The following PARD3B variants were observed in gnomAD, a reference collection of about 807,000 sequenced individuals.
PARD3B encodes partitioning defective 3 homolog B.
In PARD3B, 103 loss-of-function variants were observed where a neutral mutation model predicts 130.2. The ratio of observed to expected loss-of-function variants is 0.79; its 90% CI spans 0.67 to 0.93. The LOEUF (loss-of-function observed/expected upper bound fraction) is 0.93. PARD3B is among the 40% of genes least tolerant of loss of function. The pLI, the probability that PARD3B is intolerant of heterozygous loss-of-function variation, is 0.00. For synonymous variants in PARD3B, 583 were observed against 553.2 expected, an observed-to-expected ratio of 1.05 and a Z score of -0.76; for missense variants, 1,609 against 1,499.2, an observed-to-expected ratio of 1.07 and a Z score of -1.21.
chr2:204,777,477 A>C (rs1450118687), intron 2 of PARD3B, among the ~76,000 whole-genome samples: 2 of 152,176 alleles, frequency 1.3e-5, no homozygotes, highest in Non-Finnish European at 2.9e-5. Context: ...CTACTCTTAG[A>C]TCATCATCCT....
intron 3 of PARD3B, among the ~76,000 whole-genome samples, chr2:205,001,818 G>A (rs540823707): frequency 9.2e-5 from 14 of 152,258 alleles, no homozygotes; most frequent in East Asian, 7.7e-4. Flanking sequence ...GCTGATGTGC[G>A]CCTTATGACA....
chr2:205,045,928 G>T (rs964408028), intron 3 of PARD3B, among the ~76,000 whole-genome samples: 2 of 152,090 alleles, frequency 1.3e-5, no homozygotes, highest in Non-Finnish European at 2.9e-5. Context: ...AAATGCCTTG[G>T]TGAACCATGT....
chr2:205,063,096 G>T (rs1287063209), intron 4 of PARD3B, among the ~76,000 whole-genome samples: 1 of 151,950 alleles, frequency 6.6e-6, no homozygotes, highest in Non-Finnish European at 1.5e-5. Flanking sequence ...AATTATCTCT[G>T]TATATTTGGG....
chr2:205,370,134 C>T (rs2044754919), intron 18 of PARD3B, among the ~76,000 whole-genome samples: 1 of 152,176 alleles, frequency 6.6e-6, no homozygotes, highest in East Asian at 1.9e-4. Flanking sequence ...GTCACTTAGT[C>T]ATTTTCCACT....
At chr2:205,095,291 G>T (rs1702331013) in intron 4 of PARD3B, among the ~76,000 whole-genome samples, 1 of 152,074 alleles carries the variant, frequency 6.6e-6, no homozygotes, top group South Asian at 2.1e-4. Flanking sequence ...TAGAAATTAT[G>T]ATTATAAACA....
At position 205,550,833 on chromosome 2, in the gene PARD3B, GTA is replaced by G. The variant is rs1478341079; in HGVS notation, c.3181-2487_3181-2486del. ...TTATATGTATATATGTATATTTTAT[GTA>G]TATTTGAATATTTTATATGTATATT... On this transcript the variant is annotated intron_variant, in intron 21 of 22. Transcript: ENST00000406610. This position sits in a 1 kb window ranked among gnomAD's most constrained non-coding sequence, Gnocchi z 4.5. 1.4e-5 allele frequency among the ~76,000 whole-genome samples: 2 copies of G among 147,782 alleles called. No individual in the cohort carries two copies. The highest frequency in any genetic ancestry group is 3.0e-5 in the Non-Finnish European group (2 of 67,130).
intron 3 of PARD3B, among the ~76,000 whole-genome samples, chr2:204,978,136 C>G (rs1266508927): frequency 6.6e-6 from 1 of 152,152 alleles, no homozygotes; most frequent in Non-Finnish European, 1.5e-5. Context: ...TGAATTAGAG[C>G]AGCCTCCAGG....
chr2:205,576,318 C>CTT (rs200866403), intron 22 of PARD3B, among the ~76,000 whole-genome samples: 19 of 134,658 alleles, frequency 1.4e-4, no homozygotes, highest in East Asian at 8.3e-4. Flanking sequence ...CAATTGGTGG[C>CTT]TTTTTTTTTT....
At chr2:204,837,616 G>A (rs1263546509) in intron 2 of PARD3B, among the ~76,000 whole-genome samples, 1 of 151,856 alleles carries the variant, frequency 6.6e-6, no homozygotes, top group African/African-American at 2.4e-5. Flanking sequence ...TTCCCTGAGT[G>A]TATACATCCA....
chr2:205,036,184 C>CTATATATAT (rs1697855783), intron 3 of PARD3B, among the ~76,000 whole-genome samples: 4 of 139,042 alleles, frequency 2.9e-5, no homozygotes, highest in Non-Finnish European at 4.7e-5. Context: ...ACTATATATA[C>CTATATATAT]AAAATAAGTA....
intron 18 of PARD3B, among the ~76,000 whole-genome samples, chr2:205,313,026 A>G (rs1861509): frequency 0.56 from 85,061 of 152,076 alleles, 27,599 homozygotes; most frequent in South Asian, 0.75. Context: ...AGAGAGAAGA[A>G]CTAGAACCAT....
At chr2:205,118,558 A>G (rs1399957145) in intron 6 of PARD3B, among the ~76,000 whole-genome samples, 1 of 152,336 alleles carries the variant, frequency 6.6e-6, no homozygotes. Context: ...GCTAAACATC[A>G]CGTTGCCACG....
intron 2 of PARD3B, among the ~76,000 whole-genome samples, chr2:204,766,962 TTTC>T (rs2041181155): frequency 1.5e-5 from 1 of 67,946 alleles, no homozygotes; most frequent in Non-Finnish European, 3.8e-5. Context: ...GTATTTTCTT[TTTC>T]TTTTTTTTTT....
intron 3 of PARD3B, among the ~76,000 whole-genome samples, chr2:205,041,032 T>C (rs1698361961): frequency 1.3e-5 from 2 of 152,198 alleles, no homozygotes; most frequent in Admixed American, 1.3e-4. Flanking sequence ...ATAAGCATTC[T>C]ATATTTCTTT....
intron 4 of PARD3B, among the ~76,000 whole-genome samples, chr2:205,082,959 G>A (rs1164303375): frequency 7.2e-6 from 1 of 139,754 alleles, no homozygotes. Flanking sequence ...TCGCTCTATC[G>A]CCCAGGCTGG....
intron 3 of PARD3B, among the ~76,000 whole-genome samples, chr2:204,986,532 A>G (rs1269526322): frequency 1.3e-5 from 2 of 152,254 alleles, no homozygotes; most frequent in African/African-American, 4.8e-5. Context: ...AGATGGTGAC[A>G]TCCAACAACT....
chr2:205,325,400 C>A lies in PARD3B; in HGVS notation c.2630+23699C>A, dbSNP rs2042904328. ...TCCCCATCCTTCAATCCACACTAAC[C>A]CCGTGGTCAACTCTTAGTGATGCTT... On this transcript the variant is annotated intron_variant, in intron 18 of 22. Transcript: ENST00000406610. The surrounding 1 kb of genome is among the most constrained non-coding windows in gnomAD (Gnocchi z 4.1). Among the ~76,000 whole-genome samples, 1 of 152,116 alleles carries A rather than the reference C, an allele frequency of 6.6e-6. No individual in the cohort carries two copies. Among genetic ancestry groups the A allele is most frequent in the Admixed American group, 6.5e-5 (1 of 15,270 alleles).
chr2:204,711,001 G>A (rs905748720), intron 2 of PARD3B, among the ~76,000 whole-genome samples: 2 of 152,192 alleles, frequency 1.3e-5, no homozygotes, highest in Non-Finnish European at 2.9e-5. Flanking sequence ...CCTTTAATCA[G>A]TGCCTTTGTA....
In PARD3B at chr2:205,584,035, A is replaced by C. The variant is rs1338013520; in HGVS notation, c.3260+30632A>C. Reference sequence around the variant, plus strand: ...ACTACAGGGCATTTTCAAATATTTTATCTTGGAAACTTGATTTTCGAAGTA... The same window carrying C: ...ACTACAGGGCATTTTCAAATATTTTCTCTTGGAAACTTGATTTTCGAAGTA... On this transcript the variant is annotated intron_variant, in intron 22 of 22. Transcript: ENST00000406610. The surrounding 1 kb of genome is among the most constrained non-coding windows in gnomAD (Gnocchi z 5.5). Among the ~76,000 whole-genome samples, 1 of 152,238 alleles carries C rather than the reference A, an allele frequency of 6.6e-6. No homozygotes were observed.
Sources: gnomAD v4.1 joint callset for allele counts (sites outside exome capture counted in the v4.1 genomes callset) on GRCh38, gnomAD v4.1.1 for gene constraint, Gnocchi (gnomAD v3.1) non-coding constraint, MANE v1.5 for transcripts, NCBI Gene and HGNC (gene_info 2026-07-23, HGNC 2026-07-21) for gene names.